The following MACROD2 variants were observed in gnomAD, a reference collection of about 807,000 sequenced individuals.
MACROD2 encodes the protein mono-ADP ribosylhydrolase 2, also known as ADP-ribose glycohydrolase MACROD2.
A neutral mutation model predicts 70.4 loss-of-function variants in MACROD2; 36 were observed. That is an observed-to-expected ratio of 0.51 (90% CI 0.39 to 0.68). The LOEUF is 0.68. Ranked by LOEUF, MACROD2 falls within the 30% of genes least tolerant of loss-of-function variation. The pLI, the probability that MACROD2 is intolerant of heterozygous loss-of-function variation, is 0.00. For missense variants in MACROD2, 496 were observed against 538.4 expected, an observed-to-expected ratio of 0.92 and a Z score of 0.78; for synonymous variants, 172 against 178.8, an observed-to-expected ratio of 0.96 and a Z score of 0.30.
chr20:14,248,866 T>C (rs2122262096), intron 3 of MACROD2, among the ~76,000 whole-genome samples: 2 of 152,214 alleles, frequency 1.3e-5, no homozygotes, highest in South Asian at 4.1e-4. Context: ...AGATAATCCA[T>C]AACTTTTTTC....
chr20:15,863,750 T>C lies in MACROD2; in HGVS notation c.727+924T>C, dbSNP rs892424047. Among the ~76,000 whole-genome samples, 6 of 152,298 alleles carry C rather than the reference T, an allele frequency of 3.9e-5. No individual in the cohort carries two copies. The East Asian group carries it at 9.6e-4, about 24-fold the overall frequency. On this transcript the variant is annotated intron_variant, in intron 9 of 17. Coordinates refer to ENST00000684519, the MANE Select transcript of MACROD2 (RefSeq NM_001351661.2). The stretch of plus-strand genomic sequence containing the variant: ...GATGCATATTCATCCTCTTAAGCAG[T>C]CTATCAGAGCCAAACAATAAAGAGG...
chr20:15,903,548 T>A (rs1481557305), intron 10 of MACROD2, among the ~76,000 whole-genome samples: 1 of 152,096 alleles, frequency 6.6e-6, no homozygotes, highest in Non-Finnish European at 1.5e-5. Flanking sequence ...GATTTCAGGG[T>A]CTCACCCCCA....
chr20:15,640,931 T>A (rs2049450480), intron 8 of MACROD2, among the ~76,000 whole-genome samples: 1 of 152,204 alleles, frequency 6.6e-6, no homozygotes, highest in African/African-American at 2.4e-5. Flanking sequence ...GCTGGGCTTA[T>A]TGGAAGCTTT....
At chr20:15,080,501 T>C (rs2075695129) in intron 5 of MACROD2, among the ~76,000 whole-genome samples, 1 of 152,170 alleles carries the variant, frequency 6.6e-6, no homozygotes, top group Non-Finnish European at 1.5e-5. Flanking sequence ...AGCTCCTTCC[T>C]CCTACTCTCT....
chr20:15,308,221 T>C (rs546576002), intron 6 of MACROD2, among the ~76,000 whole-genome samples: 1 of 152,340 alleles, frequency 6.6e-6, no homozygotes, highest in Non-Finnish European at 1.5e-5. Context: ...GTCATCAAAC[T>C]TTTTACCCAA....
At chr20:14,795,417 T>A (rs935185459) in intron 5 of MACROD2, among the ~76,000 whole-genome samples, 1 of 151,968 alleles carries the variant, frequency 6.6e-6, no homozygotes, top group Non-Finnish European at 1.5e-5. Flanking sequence ...GACATGAGCA[T>A]GGGTAGGAAA....
chr20:14,370,525 T>C (rs1477317369), intron 3 of MACROD2, among the ~76,000 whole-genome samples: 3 of 152,134 alleles, frequency 2.0e-5, no homozygotes, highest in Non-Finnish European at 4.4e-5. Flanking sequence ...AAGTATAGCA[T>C]AGAAGGCCAT....
At chr20:14,996,587 G>C (rs1449523674) in intron 5 of MACROD2, among the ~76,000 whole-genome samples, 1 of 152,140 alleles carries the variant, frequency 6.6e-6, no homozygotes, top group Non-Finnish European at 1.5e-5. Flanking sequence ...ATCATATCAA[G>C]GGAAGAGACA....
intron 4 of MACROD2, among the ~76,000 whole-genome samples, chr20:14,590,076 T>C (rs1671954498): frequency 6.6e-6 from 1 of 152,190 alleles, no homozygotes; most frequent in Non-Finnish European, 1.5e-5. Context: ...AAAAGAATTA[T>C]ATTTTTAATA....
At chr20:14,532,325 C>T (rs539247859) in intron 4 of MACROD2, among the ~76,000 whole-genome samples, 68 of 150,366 alleles carry the variant, frequency 4.5e-4, no homozygotes, top group Non-Finnish European at 9.1e-4. Context: ...TTCAGCCATT[C>T]TCCTGCCTCA....
intron 6 of MACROD2, among the ~76,000 whole-genome samples, chr20:15,380,211 A>T (rs982929930): frequency 2.6e-5 from 4 of 152,146 alleles, no homozygotes; most frequent in African/African-American, 4.8e-5. Flanking sequence ...CACTTATCAC[A>T]ATCTGAGTGA....
At position 15,129,132 on chromosome 20, in the gene MACROD2, G is replaced by A. The variant is rs955997588; in HGVS notation, c.419-100808G>A. On this transcript the variant is annotated intron_variant, in intron 5 of 17. Coordinates refer to ENST00000684519, the MANE Select transcript of MACROD2 (RefSeq NM_001351661.2). ...TACATTTTTATTAGAAAAATAATTG[G>A]TTAGATGAACTGGCTTATTAATGTA... is the stretch of plus-strand genomic sequence containing the variant. Among the ~76,000 whole-genome samples the A allele has an allele frequency of 2.6e-5, 4 of 151,966 alleles. No individual in the cohort carries two copies. The East Asian group carries it at 7.7e-4, about 29-fold the overall frequency.
chr20:15,970,812 G>T (rs1380240346), intron 13 of MACROD2, among the ~76,000 whole-genome samples: 1 of 152,142 alleles, frequency 6.6e-6, no homozygotes, highest in African/African-American at 2.4e-5. Context: ...TAGAAGAAGT[G>T]CCTGTTCCCA....
chr20:14,354,127 A>G (rs1298970877), intron 3 of MACROD2, among the ~76,000 whole-genome samples: 2 of 152,092 alleles, frequency 1.3e-5, no homozygotes, highest in Non-Finnish European at 2.9e-5. Flanking sequence ...TTCTGTTTCT[A>G]TTGGGTTGTA....
At chr20:15,587,124 A>G (rs997490195) in intron 8 of MACROD2, among the ~76,000 whole-genome samples, 3 of 152,214 alleles carry the variant, frequency 2.0e-5, no homozygotes, top group Admixed American at 6.5e-5. Flanking sequence ...ACAGTTCCAC[A>G]TGGCTGAGGA....
chr20:14,737,156 A>G lies in MACROD2; in HGVS notation c.418+52197A>G, dbSNP rs183014092. On this transcript the variant is annotated intron_variant, in intron 5 of 17. Transcript: ENST00000684519. ...GTGTGTTGTTCCCCTCCCTGTGTCC[A>G]TGTGTTCTCATTGTTCAACTCCTGC... 2.6e-5 allele frequency among the ~76,000 whole-genome samples: 4 copies of G among 152,036 alleles called. 1 individual carries two copies. The highest frequency in any genetic ancestry group is 9.7e-5 in the African/African-American group (4 of 41,446).
chr20:14,230,306 A>G lies in MACROD2; in HGVS notation c.271+144578A>G, dbSNP rs192181777. On this transcript the variant is annotated intron_variant, in intron 3 of 17. Coordinates refer to ENST00000684519, the MANE Select transcript of MACROD2 (RefSeq NM_001351661.2). The stretch of plus-strand genomic sequence containing the variant: ...TTCAAAATTGGGTTCAGTCCTCTCA[A>G]ACAGTACCGCTGCTTTATCAACTAA... 3.2e-3 allele frequency among the ~76,000 whole-genome samples: 489 copies of G among 152,256 alleles called. 3 individuals are homozygous for G. Among genetic ancestry groups the G allele is most frequent in the Non-Finnish European group, 3.3e-3 (227 of 68,008 alleles).
intron 5 of MACROD2, among the ~76,000 whole-genome samples, chr20:14,772,167 T>G (rs1174478098): frequency 6.6e-6 from 1 of 152,118 alleles, no homozygotes; most frequent in Non-Finnish European, 1.5e-5. Flanking sequence ...AAAAATGTAC[T>G]TTTCCCCCTC....
chr20:14,858,865 T>G (rs778585466), intron 5 of MACROD2, among the ~76,000 whole-genome samples: 104 of 152,218 alleles, frequency 6.8e-4, no homozygotes, highest in Non-Finnish European at 1.2e-3. Flanking sequence ...CCTCAAAGGT[T>G]GTTGTAAGGA....
Sources: gnomAD v4.1 joint callset for allele counts (sites outside exome capture counted in the v4.1 genomes callset) on GRCh38, gnomAD v4.1.1 for gene constraint, MANE v1.5 for transcripts, NCBI Gene and HGNC (gene_info 2026-07-23, HGNC 2026-07-21) for gene names.